ACKR2: variants seen among roughly 807,000 people sequenced by gnomAD.
ACKR2 encodes C-C chemokine receptor D6.
For missense variants in ACKR2, 457 were observed against 477.3 expected (o/e 0.96, Z 0.40); for synonymous variants, 207 against 192.2 (o/e 1.08, Z -0.64).
At chr3:42,812,226 C>T (rs555357848) in intron 1 of ACKR2, among the ~76,000 whole-genome samples, 1 of 152,242 alleles carries the variant, frequency 6.6e-6, no homozygotes, top group South Asian at 2.1e-4. Context: ...CATAACGGCC[C>T]TTGTTTGGCT....
At position 42,835,387 on chromosome 3, in the gene ACKR2, G is replaced by A. The variant is rs541330020; in HGVS notation, c.-38+15676G>A. 8.1e-4 allele frequency: 123 copies of A among 151,938 alleles called. 1 individual carries two copies. The highest frequency in any genetic ancestry group is 7.4e-4 in the Non-Finnish European group (50 of 67,988). 9.4% of individuals were successfully genotyped at this position (151,938 alleles called of 1,614,324 possible). A position where few individuals can be genotyped will look rare whatever the true frequency, so the allele number is the denominator to read the frequency against. ...GTCACCCAGTTAACAGAGCTTTAGA[G>A]TCCACGTTGCTTTCCGTTGCTCACG... On this transcript the variant is annotated intron_variant, in intron 2 of 2. Transcript: ENST00000422265.
chr3:42,837,886 AT>A (rs1433470757), intron 2 of ACKR2, among the ~76,000 whole-genome samples: 1 of 152,198 alleles, frequency 6.6e-6, no homozygotes, highest in Non-Finnish European at 1.5e-5. Context: ...TGAAAGTTAA[AT>A]TCTGAATTAG....
intron 2 of ACKR2, among the ~76,000 whole-genome samples, chr3:42,861,407 G>T (rs1415016465): frequency 1.3e-5 from 2 of 152,192 alleles, no homozygotes; most frequent in Non-Finnish European, 2.9e-5. Flanking sequence ...GGACCAGGCA[G>T]ATTCACAGCT....
Position 42,821,045 on chromosome 3 carries a change from C to T in ACKR2, c.-38+1334C>T, listed in dbSNP as rs539889711. On this transcript the variant is annotated intron_variant, in intron 2 of 2. Transcript: ENST00000422265. ...GATTACAGGTGGCTGCCACCATGCC[C>T]GGCTAATTTTTTAAATTTTTAGTAG... Among the ~76,000 whole-genome samples, 173 of 152,048 alleles carry T rather than the reference C, an allele frequency of 1.1e-3. 2 individuals are homozygous for T. Among genetic ancestry groups the T allele is most frequent in the African/African-American group, 4.0e-3 (166 of 41,450 alleles).
chr3:42,820,625 C>T (rs1209923619), intron 2 of ACKR2, among the ~76,000 whole-genome samples: 2 of 150,970 alleles, frequency 1.3e-5, no homozygotes, highest in South Asian at 2.1e-4. Flanking sequence ...TATAATCTGC[C>T]CAACCCAACA....
intron 2 of ACKR2, among the ~76,000 whole-genome samples, chr3:42,827,678 T>C (rs1249938693): frequency 1.3e-5 from 2 of 152,150 alleles, no homozygotes; most frequent in African/African-American, 4.8e-5. Flanking sequence ...AGGAAACCTT[T>C]AAGACAAGAT....
At chr3:42,823,194 C>T (rs1368851484) in intron 2 of ACKR2, among the ~76,000 whole-genome samples, 1 of 152,216 alleles carries the variant, frequency 6.6e-6, no homozygotes, top group African/African-American at 2.4e-5. Context: ...ATCCCTTCCT[C>T]TTGTTTTCTT....
chr3:42,851,176 A>T (rs1701153966), intron 2 of ACKR2: 2 of 162,236 alleles, frequency 1.2e-5, no homozygotes, highest in Non-Finnish European at 2.6e-5. Context: ...TCTTTGGGGG[A>T]TGCTCTTTTA....
intron 2 of ACKR2, among the ~76,000 whole-genome samples, chr3:42,859,194 C>T (rs1216305568): frequency 5.9e-5 from 9 of 151,958 alleles, no homozygotes; most frequent in South Asian, 4.2e-4. Context: ...AGATACTCCT[C>T]GAGAAGAACA....
At chr3:42,851,210 G>T (rs796764446) in intron 2 of ACKR2, 13 of 233,388 alleles carry the variant, frequency 5.6e-5, no homozygotes, top group African/African-American at 2.8e-4. Context: ...ATCTGAGCTT[G>T]ACTCTTATCA....
chr3:42,828,375 T>A (rs190693055), intron 2 of ACKR2, among the ~76,000 whole-genome samples: 1 of 152,028 alleles, frequency 6.6e-6, no homozygotes, highest in Admixed American at 6.6e-5. Flanking sequence ...CCTCCCAAAG[T>A]GTTAGGATTA....
At position 42,865,253 on chromosome 3, in the gene ACKR2, A is replaced by G; in HGVS notation, c.751A>G (p.Ile251Val). Residue 251 changes from isoleucine (I) to valine (V), a missense_variant, in exon 3 of 3, where the codon ATA (isoleucine) becomes GTA (valine). By Grantham distance (29) the Ile-to-Val change is conservative (BLOSUM62 3). Transcript: ENST00000422265. ...CGCAGGCCAGGGCCGGGCTTTAAAA[A>G]TAGCTGCAGCCTTGGTGGTGGCCTT... is the stretch of plus-strand genomic sequence containing the variant. ...RPAGQGRALKIAAALVVAFFV... is the reference protein window; with the variant it reads ...RPAGQGRALKVAAALVVAFFV... 1 of 1,614,204 alleles carries G rather than the reference A, an allele frequency of 6.2e-7. No homozygotes were observed. Among genetic ancestry groups the G allele is most frequent in the Non-Finnish European group, 8.5e-7 (1 of 1,180,034 alleles).
rs749905916 is a variant in ACKR2 at position 42,864,986 on chromosome 3, C to T, written c.484C>T (p.Leu162=). The T allele has an allele frequency of 3.1e-6, 5 of 1,614,080 alleles. No individual in the cohort carries two copies. Among genetic ancestry groups the T allele is most frequent in the Admixed American group, 3.3e-5 (2 of 60,002 alleles). Residue 162 remains leucine (L), a synonymous_variant, in exon 3 of 3, where the codon CTG becomes TTG. Transcript: ENST00000422265. The part of the protein sequence containing the change: ...YHRLRTRAKS[L]LLATIVWAVS... ...CAGGCTGAGGACCCGGGCCAAGAGC[C>T]TGCTCCTTGCTACCATAGTATGGGC... is the stretch of plus-strand genomic sequence containing the variant.
intron 2 of ACKR2, among the ~76,000 whole-genome samples, chr3:42,854,440 C>T (rs962946254): frequency 2.6e-5 from 4 of 152,134 alleles, no homozygotes; most frequent in African/African-American, 9.7e-5. Flanking sequence ...GTCCCACTGT[C>T]GGAACCTCAA....
chr3:42,860,189 A>AAAC lies in ACKR2; in HGVS notation c.-37-4277_-37-4276insAAC, dbSNP rs376833790. On this transcript the variant is annotated intron_variant, in intron 2 of 2. Transcript: ENST00000422265. ...CAAAAAAAAAAAAAAAAAAAAAAAA[A>AAAC]GCAGGGGATGCAATCCTAGTCTCTG... Among the ~76,000 whole-genome samples the AAAC allele has an allele frequency of 5.9e-4, 66 of 111,620 alleles. 3 individuals carry two copies. Among genetic ancestry groups the AAAC allele is most frequent in the East Asian group, 1.5e-3 (4 of 2,674 alleles). 73.2% of individuals were successfully genotyped at this position (111,620 alleles called of 152,430 possible). A position where few individuals can be genotyped will look rare whatever the true frequency, so the allele number is the denominator to read the frequency against.
At chr3:42,817,871 A>G (rs1700769621) in intron 1 of ACKR2, among the ~76,000 whole-genome samples, 1 of 151,736 alleles carries the variant, frequency 6.6e-6, no homozygotes. Context: ...TTCCATTGAC[A>G]CTCTTCTTCT....
intron 1 of ACKR2, among the ~76,000 whole-genome samples, chr3:42,812,879 G>T (rs1304984408): frequency 5.3e-5 from 8 of 151,774 alleles, no homozygotes; most frequent in African/African-American, 1.7e-4. Context: ...AGTAGAGACA[G>T]GGTTTCACCT....
intron 1 of ACKR2, among the ~76,000 whole-genome samples, chr3:42,816,744 G>A (rs1700754567): frequency 6.6e-6 from 1 of 151,878 alleles, no homozygotes; most frequent in African/African-American, 2.4e-5. Flanking sequence ...TTTTAGTAGA[G>A]ACAGGGTTTC....
chr3:42,821,918 G>A (rs917343300), intron 2 of ACKR2, among the ~76,000 whole-genome samples: 1 of 151,870 alleles, frequency 6.6e-6, no homozygotes, highest in Non-Finnish European at 1.5e-5. Context: ...GGATGGTCTC[G>A]ATCTCCTGAC....
Sources: gnomAD v4.1 joint callset for allele counts (sites outside exome capture counted in the v4.1 genomes callset) on GRCh38, gnomAD v4.1.1 for gene constraint, MANE v1.5 for transcripts, NCBI Gene and HGNC (gene_info 2026-07-23, HGNC 2026-07-21) for gene names.